Variants in SLC24A2 observed in about 807,000 individuals in gnomAD.
SLC24A2 encodes the protein sodium/potassium/calcium exchanger 2.
Under a neutral mutation model 62.0 loss-of-function variants are expected in SLC24A2, and 36 were observed. The observed-to-expected ratio is 0.58, with a 90% CI of 0.44 to 0.77. SLC24A2 has a LOEUF of 0.77. SLC24A2 is among the 30% of genes least tolerant of loss of function. The pLI, the probability that SLC24A2 is intolerant of heterozygous loss-of-function variation, is 0.00. For synonymous variants in SLC24A2, 358 were observed against 294.0 expected (o/e 1.22, Z -2.23); for missense variants, 846 against 817.9 (o/e 1.03, Z -0.42).
chr9:19,901,471 T>C, the SLC24A2 span, among the ~76,000 whole-genome samples: 1 of 152,164 alleles, frequency 6.6e-6, no homozygotes, highest in East Asian at 1.9e-4. Flanking sequence ...AGAAGACAGA[T>C]ACTTCAAAGG....
intron 7 of SLC24A2, among the ~76,000 whole-genome samples, chr9:19,560,897 G>GTATATA (rs1194433228): frequency 5.4e-5 from 7 of 128,498 alleles, no homozygotes; most frequent in Admixed American, 1.6e-4. Flanking sequence ...GTGTGTGTGT[G>GTATATA]TATATATATA....
At chr9:20,238,480 T>C in the SLC24A2 span, among the ~76,000 whole-genome samples, 1 of 152,228 alleles carries the variant, frequency 6.6e-6, no homozygotes, top group African/African-American at 2.4e-5. Context: ...AAGGGGTTCA[T>C]GCTTTATGAA....
chr9:19,636,315 T>TTTTCTTTTCTTTTCTTTTC, intron 2 of SLC24A2, among the ~76,000 whole-genome samples: 113 of 39,956 alleles, frequency 2.8e-3, no homozygotes, highest in Middle Eastern at 0.014. Context: ...TTTTCTTTTC[T>TTTTCTTTTCTTTTCTTTTC]TTTCTTTCTT....
intron 2 of SLC24A2, among the ~76,000 whole-genome samples, chr9:19,646,384 C>T (rs1818639226): frequency 6.6e-6 from 1 of 152,190 alleles, no homozygotes; most frequent in Non-Finnish European, 1.5e-5. Context: ...AACTGGTATC[C>T]TCCTCAGCAG....
the SLC24A2 span, among the ~76,000 whole-genome samples, chr9:19,996,425 T>TTCA: frequency 3.3e-5 from 5 of 152,138 alleles, no homozygotes; most frequent in Non-Finnish European, 7.4e-5. Flanking sequence ...ATACATCACA[T>TTCA]TCATCACTCT....
chr9:20,197,086 G>T, the SLC24A2 span, among the ~76,000 whole-genome samples: 1 of 152,084 alleles, frequency 6.6e-6, no homozygotes, highest in African/African-American at 2.4e-5. Flanking sequence ...GTGATGGGGG[G>T]ATTCTTTTTG....
the SLC24A2 span, among the ~76,000 whole-genome samples, chr9:19,969,779 C>G: frequency 6.6e-6 from 1 of 152,198 alleles, no homozygotes; most frequent in East Asian, 1.9e-4. Context: ...TTGTAAGTGA[C>G]TTGGTTAAAA....
At chr9:19,812,435 A>G in the SLC24A2 span, among the ~76,000 whole-genome samples, 2 of 152,150 alleles carry the variant, frequency 1.3e-5, no homozygotes, top group Non-Finnish European at 2.9e-5. Context: ...CTCTATTGCT[A>G]TCTCTAATCT....
the SLC24A2 span, among the ~76,000 whole-genome samples, chr9:20,051,413 A>C: frequency 6.6e-6 from 1 of 152,104 alleles, no homozygotes; most frequent in Middle Eastern, 3.2e-3. Context: ...GACATTTTAT[A>C]TATCTCAGTA....
chr9:20,098,023 G>A, the SLC24A2 span, among the ~76,000 whole-genome samples: 21 of 116,938 alleles, frequency 1.8e-4, no homozygotes, highest in Admixed American at 4.1e-4. Context: ...ATTACAGGCG[G>A]AGCCACCGCG....
chr9:19,777,389 A>T (rs917684481), intron 2 of SLC24A2, among the ~76,000 whole-genome samples: 11 of 152,234 alleles, frequency 7.2e-5, no homozygotes, highest in African/African-American at 2.7e-4. Flanking sequence ...ATGTGGCAGA[A>T]ACTTTAAAAA....
At chr9:19,639,817 A>G (rs1452804172) in intron 2 of SLC24A2, among the ~76,000 whole-genome samples, 1 of 152,250 alleles carries the variant, frequency 6.6e-6, no homozygotes, top group East Asian at 1.9e-4. Context: ...TTTATTCACA[A>G]TGTTATAGTC....
Position 19,538,996 on chromosome 9 carries a change from G to T in SLC24A2, c.1480-10858C>A, listed in dbSNP as rs1253839058. ...GATTTTCTAGTTTATTTGTGTAGAGGTGTTTGTAGTATTCTCTGATGGTAG... is the reference window on the plus strand; with the variant it reads ...GATTTTCTAGTTTATTTGTGTAGAGTTGTTTGTAGTATTCTCTGATGGTAG... On this transcript the variant is annotated intron_variant, in intron 8 of 10. Transcript: ENST00000341998. Among the ~76,000 whole-genome samples, 45 of 128,230 alleles carry T rather than the reference G, an allele frequency of 3.5e-4. 1 individual carries two copies. The highest frequency in any genetic ancestry group is 1.3e-3 in the African/African-American group (44 of 33,252). The allele number at this position is 128,230 out of a possible 152,430, so 84.1% of individuals were successfully genotyped here.
chr9:19,659,349 A>C (rs971698204), intron 2 of SLC24A2, among the ~76,000 whole-genome samples: 3 of 152,204 alleles, frequency 2.0e-5, no homozygotes, highest in Admixed American at 1.3e-4. Flanking sequence ...GAACTGTAAG[A>C]AAATAAATTT....
chr9:20,029,146 C>A, the SLC24A2 span, among the ~76,000 whole-genome samples: 32 of 152,310 alleles, frequency 2.1e-4, 1 homozygote, highest in African/African-American at 7.0e-4. Flanking sequence ...ACATCTTCGT[C>A]ACCAAAGCTA....
chr9:19,607,714 G>C (rs1159559436), intron 4 of SLC24A2, among the ~76,000 whole-genome samples: 6 of 106,034 alleles, frequency 5.7e-5, no homozygotes, highest in Non-Finnish European at 1.0e-4. Flanking sequence ...GTGAGACTCT[G>C]TCTCAAAAAA....
the SLC24A2 span, among the ~76,000 whole-genome samples, chr9:20,172,478 G>T: frequency 6.6e-6 from 1 of 151,866 alleles, no homozygotes; most frequent in African/African-American, 2.4e-5. Context: ...AAAGAAGAGA[G>T]AAATCCAAAT....
At chr9:19,630,313 C>A (rs1587063758) in intron 2 of SLC24A2, among the ~76,000 whole-genome samples, 2 of 152,076 alleles carry the variant, frequency 1.3e-5, no homozygotes, top group East Asian at 3.9e-4. Context: ...ATTCACTGAG[C>A]AAAGGGCATT....
At chr9:19,918,712 A>T in the SLC24A2 span, among the ~76,000 whole-genome samples, 1 of 152,214 alleles carries the variant, frequency 6.6e-6, no homozygotes, top group Non-Finnish European at 1.5e-5. Context: ...CAAGAGAATC[A>T]TATGAATCCA....
Sources: allele counts gnomAD v4.1 joint callset (sites outside exome capture counted in the v4.1 genomes callset), GRCh38; gene constraint gnomAD v4.1.1; transcripts MANE v1.5; gene names NCBI Gene and HGNC (gene_info 2026-07-23, HGNC 2026-07-21).